DMD: variants seen among roughly 807,000 people sequenced by gnomAD.
The protein encoded by DMD is dystrophin.
DMD carries 63 observed loss-of-function variants against 330.1 expected under a neutral mutation model. That is an observed-to-expected ratio of 0.19 (90% CI 0.16 to 0.24). The LOEUF is 0.24. DMD is among the 10% of genes least tolerant of loss of function. The probability of loss-of-function intolerance (pLI) is 1.00; values close to 1 mark genes in which losing one functional copy is unlikely to be tolerated. For missense variants in DMD, 3,344 were observed against 2,684.1 expected, an observed-to-expected ratio of 1.25 and a Z score of -5.43; for synonymous variants, 1,223 against 959.8, an observed-to-expected ratio of 1.27 and a Z score of -5.07.
At chrX:32,677,243 T>C (rs979215299) in intron 9 of DMD, among the ~76,000 whole-genome samples, 5 of 111,401 alleles carry the variant, frequency 4.5e-5, no homozygotes, top group Admixed American at 3.8e-4. Context: ...TAGCTACATT[T>C]TCAGTTATTT....
intron 59 of DMD, among the ~76,000 whole-genome samples, chrX:31,474,213 T>TA (rs1191550940): frequency 2.7e-5 from 3 of 111,642 alleles, no homozygotes; most frequent in Non-Finnish European, 5.6e-5. Context: ...GCCAGGGACT[T>TA]AGTCATTGTT....
chrX:32,341,138 G>C (rs886721663), intron 41 of DMD, among the ~76,000 whole-genome samples: 1 of 111,487 alleles, frequency 9.0e-6, no homozygotes, highest in Admixed American at 9.6e-5. Flanking sequence ...CTCATACATG[G>C]GCTGAACCCT....
chrX:31,948,396 T>C (rs1394002333), intron 45 of DMD, among the ~76,000 whole-genome samples: 1 of 111,661 alleles, frequency 9.0e-6, no homozygotes, highest in African/African-American at 3.3e-5. Context: ...GGAGTGAGGT[T>C]GCTGGATCAT....
At chrX:31,945,588 G>A (rs2150069233) in intron 45 of DMD, among the ~76,000 whole-genome samples, 1 of 112,254 alleles carries the variant, frequency 8.9e-6, no homozygotes, top group Admixed American at 9.4e-5. Context: ...GAACAAAACA[G>A]AGCCAGTCCA....
intron 48 of DMD, among the ~76,000 whole-genome samples, chrX:31,848,738 T>C (rs575376654): frequency 9.0e-6 from 1 of 110,842 alleles, no homozygotes; most frequent in South Asian, 3.8e-4. Flanking sequence ...TCATGGTCTC[T>C]TCTGAAATCC....
At chrX:32,149,028 T>TA (rs1217464794) in intron 44 of DMD, among the ~76,000 whole-genome samples, 1 of 111,962 alleles carries the variant, frequency 8.9e-6, no homozygotes, top group Non-Finnish European at 1.9e-5. Flanking sequence ...CCATTTTCTT[T>TA]AAAAAAAGGA....
intron 51 of DMD, among the ~76,000 whole-genome samples, chrX:31,731,609 C>T (rs755436475): frequency 3.3e-4 from 37 of 111,575 alleles, no homozygotes; most frequent in Non-Finnish European, 6.6e-4. Context: ...AAATATTTTT[C>T]AGCACTAGGC....
At chrX:31,480,259 C>A (rs1240394310) in intron 57 of DMD, among the ~76,000 whole-genome samples, 1 of 111,469 alleles carries the variant, frequency 9.0e-6, no homozygotes, top group Non-Finnish European at 1.9e-5. Context: ...TTGTATGACA[C>A]ATTTATTAAT....
chrX:33,212,855 T>C (rs2051970966), upstream of DMD, among the ~76,000 whole-genome samples: 1 of 111,627 alleles, frequency 9.0e-6, no homozygotes, highest in Non-Finnish European at 1.9e-5. Flanking sequence ...TAAAACAACA[T>C]AGAAAAAATG....
At chrX:31,172,931 A>C (rs1361701832) in intron 72 of DMD, among the ~76,000 whole-genome samples, 1 of 111,839 alleles carries the variant, frequency 8.9e-6, no homozygotes, top group East Asian at 2.8e-4. Context: ...ACCTCAGGCA[A>C]TTATACAGGG....
At chrX:31,843,073 A>G (rs1439101026) in intron 48 of DMD, among the ~76,000 whole-genome samples, 2 of 112,141 alleles carry the variant, frequency 1.8e-5, no homozygotes, top group African/African-American at 3.2e-5. Context: ...ATGGTTGTGT[A>G]GTATTTCATA....
chrX:31,441,871 T>C (rs1298974090), intron 60 of DMD, among the ~76,000 whole-genome samples: 2 of 111,988 alleles, frequency 1.8e-5, no homozygotes, highest in Non-Finnish European at 3.8e-5. Context: ...AGAATTACTA[T>C]CAAAGAAAAG....
At position 31,341,333 on chromosome X, in the gene DMD, C is replaced by T. The variant is rs184787957; in HGVS notation, c.9163+7223G>A. On this transcript the variant is annotated intron_variant, in intron 61 of 78. Transcript: ENST00000357033. The stretch of plus-strand genomic sequence containing the variant: ...CATTCTGATTTCAGAACTGTTGAAA[C>T]GTGGGTGGAAAAGTGTGTCTTACAA... Among the ~76,000 whole-genome samples the T allele has an allele frequency of 1.3e-4, 15 of 111,568 alleles. No homozygotes were observed. The East Asian group carries it at 2.2e-3, about 17-fold the overall frequency.
At chrX:32,714,289 C>G (rs146506858) in intron 7 of DMD, among the ~76,000 whole-genome samples, 2 of 111,325 alleles carry the variant, frequency 1.8e-5, no homozygotes, top group East Asian at 5.7e-4. Flanking sequence ...TACAATGTAC[C>G]TAATAGGTAA....
chrX:32,949,391 TAGAC>T (rs1185901672), intron 2 of DMD, among the ~76,000 whole-genome samples: 60 of 76,381 alleles, frequency 7.9e-4, no homozygotes, highest in Middle Eastern at 7.8e-3. Context: ...GATAGATAGA[TAGAC>T]AGACAGACAG....
At chrX:33,097,544 TAC>T (rs775753191) in intron 1 of DMD, among the ~76,000 whole-genome samples, 28 of 110,083 alleles carry the variant, frequency 2.5e-4, no homozygotes, top group Non-Finnish European at 4.2e-4. Flanking sequence ...TTAAAATTTT[TAC>T]AGTGTCACCT....
chrX:32,868,403 G>T (rs867364075), intron 2 of DMD, among the ~76,000 whole-genome samples: 1 of 111,376 alleles, frequency 9.0e-6, no homozygotes, highest in Admixed American at 9.5e-5. Context: ...CTCTCCCGGG[G>T]AGGGGCGGCA....
At chrX:32,502,714 C>G (rs933261267) in intron 18 of DMD, among the ~76,000 whole-genome samples, 1 of 112,055 alleles carries the variant, frequency 8.9e-6, no homozygotes, top group Non-Finnish European at 1.9e-5. Flanking sequence ...ACAAAGATTT[C>G]TCTTGAATTT....
intron 7 of DMD, among the ~76,000 whole-genome samples, chrX:32,782,461 C>A (rs1473457028): frequency 1.8e-5 from 2 of 111,362 alleles, no homozygotes; most frequent in Non-Finnish European, 3.8e-5. Flanking sequence ...AGTGCTAAGG[C>A]CTTAAACTAT....
Sources: allele counts gnomAD v4.1 joint callset (sites outside exome capture counted in the v4.1 genomes callset), GRCh38; gene constraint gnomAD v4.1.1; transcripts MANE v1.5; gene names NCBI Gene and HGNC (gene_info 2026-07-23, HGNC 2026-07-21).